The following CAPS2 variants were observed in gnomAD, a reference collection of about 807,000 sequenced individuals.
The protein encoded by CAPS2 is calcyphosin-2.
Under a neutral mutation model 86.5 loss-of-function variants are expected in CAPS2, and 98 were observed. The observed-to-expected ratio is 1.13, with a 90% CI of 0.96 to 1.34. The LOEUF (loss-of-function observed/expected upper bound fraction) is 1.34. Among genes scored for constraint, CAPS2 ranks in the 40% most tolerant of loss-of-function variants. The pLI, the probability that CAPS2 is intolerant of heterozygous loss-of-function variation, is 0.00. For missense variants in CAPS2, 729 were observed against 686.8 expected, an observed-to-expected ratio of 1.06 and a Z score of -0.69; for synonymous variants, 210 against 225.1, an observed-to-expected ratio of 0.93 and a Z score of 0.60.
At chr12:75,303,026 A>G (rs2138616412) in intron 8 of CAPS2, among the ~76,000 whole-genome samples, 1 of 152,342 alleles carries the variant, frequency 6.6e-6, no homozygotes, top group East Asian at 1.9e-4. Flanking sequence ...TTCTAAGTAT[A>G]TACTCAGCAG....
chr12:75,302,947 T>C (rs1209890370), intron 8 of CAPS2, among the ~76,000 whole-genome samples: 2 of 152,116 alleles, frequency 1.3e-5, no homozygotes. Context: ...CAGCAACCAG[T>C]TGGGAAAGCT....
At chr12:75,290,122 C>T in intron 13 of CAPS2, among the ~76,000 whole-genome samples, 1 of 152,128 alleles carries the variant, frequency 6.6e-6, no homozygotes, top group Non-Finnish European at 1.5e-5. Flanking sequence ...TCTTTAACCA[C>T]CCCATATCTT....
chr12:75,277,564 G>A (rs1427450253), exon 17 of CAPS2: 6 of 951,672 alleles, frequency 6.3e-6, no homozygotes, highest in Non-Finnish European at 6.3e-6. Flanking sequence ...AATAGCACTA[G>A]AGGTTTACAC....
At chr12:75,378,357 T>C (rs1393816702) in intron 1 of CAPS2, among the ~76,000 whole-genome samples, 2 of 152,138 alleles carry the variant, frequency 1.3e-5, no homozygotes, top group African/African-American at 4.8e-5. Context: ...TCTGCTTACA[T>C]CTGTCAGTGT....
At chr12:75,353,201 T>C (rs758967173) in intron 1 of CAPS2, among the ~76,000 whole-genome samples, 2 of 151,880 alleles carry the variant, frequency 1.3e-5, no homozygotes, top group Non-Finnish European at 2.9e-5. Context: ...AATCAATGAA[T>C]CCAGGAGCTG....
chr12:75,381,958 C>T (rs1312221555), intron 1 of CAPS2, among the ~76,000 whole-genome samples: 1 of 152,138 alleles, frequency 6.6e-6, no homozygotes, highest in East Asian at 1.9e-4. Flanking sequence ...GATTTTAATC[C>T]TTGGACATTT....
intron 5 of CAPS2, among the ~76,000 whole-genome samples, chr12:75,320,403 G>A (rs1406099802): frequency 6.6e-6 from 1 of 152,026 alleles, no homozygotes; most frequent in Non-Finnish European, 1.5e-5. Context: ...ACAATACATG[G>A]TGAGATGCTA....
At chr12:75,335,392 A>G (rs1030247513) in intron 1 of CAPS2, among the ~76,000 whole-genome samples, 4 of 152,236 alleles carry the variant, frequency 2.6e-5, no homozygotes, top group African/African-American at 9.6e-5. Flanking sequence ...ATTGAAGAAT[A>G]AGCATAAAAA....
At chr12:75,347,438 T>C (rs1275001522) in intron 1 of CAPS2, among the ~76,000 whole-genome samples, 1 of 152,066 alleles carries the variant, frequency 6.6e-6, no homozygotes, top group African/African-American at 2.4e-5. Context: ...GTAGCTCTCA[T>C]AAAATCAGCC....
chr12:75,363,982 T>C (rs2043795051), intron 1 of CAPS2, among the ~76,000 whole-genome samples: 1 of 152,184 alleles, frequency 6.6e-6, no homozygotes, highest in Admixed American at 6.5e-5. Flanking sequence ...TTGAGTTAAG[T>C]AATTGTCTAA....
intron 1 of CAPS2, among the ~76,000 whole-genome samples, chr12:75,386,659 AAACAAT>A (rs2045308823): frequency 1.3e-5 from 2 of 152,232 alleles, no homozygotes; most frequent in African/African-American, 2.4e-5. Flanking sequence ...GGACATATTC[AAACAAT>A]AGCAAAAATA....
chr12:75,390,048 T>C (rs1005930961), intron 1 of CAPS2, among the ~76,000 whole-genome samples: 4 of 152,238 alleles, frequency 2.6e-5, no homozygotes, highest in African/African-American at 7.2e-5. Flanking sequence ...GGCTAACCTG[T>C]TACAATGTTT....
chr12:75,352,710 G>C (rs1320078729), intron 1 of CAPS2, among the ~76,000 whole-genome samples: 4 of 152,178 alleles, frequency 2.6e-5, no homozygotes, highest in African/African-American at 4.8e-5. Flanking sequence ...ATTCTTCTCA[G>C]TGCCACAAGG....
upstream of CAPS2, among the ~76,000 whole-genome samples, chr12:75,333,622 T>C (rs115486852): frequency 3.6e-3 from 552 of 152,304 alleles, 2 homozygotes; most frequent in African/African-American, 0.013. Flanking sequence ...GATCCTTGCA[T>C]TTTTCGTTTT....
chr12:75,355,648 A>C (rs1042616582), intron 1 of CAPS2, among the ~76,000 whole-genome samples: 7 of 152,176 alleles, frequency 4.6e-5, no homozygotes, highest in African/African-American at 1.7e-4. Context: ...AAAAAATATA[A>C]ATTATTCTAT....
intron 7 of CAPS2, among the ~76,000 whole-genome samples, chr12:75,305,266 G>C (rs749208937): frequency 5.3e-5 from 8 of 152,164 alleles, no homozygotes; most frequent in Non-Finnish European, 1.2e-4. Context: ...AAACATAGAA[G>C]AGAATACCTT....
intron 15 of CAPS2, among the ~76,000 whole-genome samples, chr12:75,283,971 A>T (rs145109304): frequency 8.3e-4 from 127 of 152,258 alleles, no homozygotes; most frequent in African/African-American, 3.0e-3. Context: ...TAACCTCCAG[A>T]GCTATGAGAC....
intron 1 of CAPS2, among the ~76,000 whole-genome samples, chr12:75,341,183 C>G (rs780231480): frequency 2.4e-4 from 37 of 152,146 alleles, no homozygotes; most frequent in Admixed American, 5.2e-4. Context: ...ACTCCCGATT[C>G]AATGCTCTTG....
intron 1 of CAPS2, among the ~76,000 whole-genome samples, chr12:75,372,629 C>T (rs144992436): frequency 1.8e-3 from 281 of 152,282 alleles, no homozygotes; most frequent in African/African-American, 6.4e-3. Context: ...ATGAGAGAAA[C>T]TGTGCCATAT....
Sources: gnomAD v4.1 joint callset for allele counts (sites outside exome capture counted in the v4.1 genomes callset) on GRCh38, gnomAD v4.1.1 for gene constraint, MANE v1.5 for transcripts, NCBI Gene and HGNC (gene_info 2026-07-23, HGNC 2026-07-21) for gene names.